PACRG: variants seen among roughly 807,000 people sequenced by gnomAD.
PACRG encodes parkin coregulated gene protein.
In PACRG, 29 loss-of-function variants were observed where a neutral mutation model predicts 29.7. That is an observed-to-expected ratio of 0.98 (90% CI 0.73 to 1.33). PACRG has a LOEUF of 1.33. Among genes scored for constraint, PACRG ranks in the 40% most tolerant of loss-of-function variants. The pLI is 0.00. For missense variants in PACRG, 279 were observed against 316.2 expected, an observed-to-expected ratio of 0.88 and a Z score of 0.89; for synonymous variants, 116 against 118.7, an observed-to-expected ratio of 0.98 and a Z score of 0.15.
At chr6:162,829,670 T>C (rs1017072058) in intron 2 of PACRG, among the ~76,000 whole-genome samples, 1 of 152,078 alleles carries the variant, frequency 6.6e-6, no homozygotes, top group African/African-American at 2.4e-5. Context: ...GACATAGCCA[T>C]TGGAACGTTC....
At chr6:162,884,333 A>G (rs1295976185) in intron 2 of PACRG, among the ~76,000 whole-genome samples, 1 of 152,162 alleles carries the variant, frequency 6.6e-6, no homozygotes, top group Non-Finnish European at 1.5e-5. Context: ...ATTTTCCAGT[A>G]TGTTTATTGA....
rs79945138 is a variant in PACRG, at chr6:162,891,137, G to A, written c.291+76856G>A. Among the ~76,000 whole-genome samples, 226 of 152,308 alleles carry A rather than the reference G, an allele frequency of 1.5e-3. 2 individuals carry two copies. The East Asian group carries it at 0.019, about 13-fold the overall frequency. On this transcript the variant is annotated intron_variant, in intron 2 of 4. Transcript: ENST00000366888. Reference sequence around the variant, plus strand: ...GAAGAGCCCGGCAAGCCTTGCTTGTGAAATGGACACGGTATATCCAGGAAC... The same window carrying A: ...GAAGAGCCCGGCAAGCCTTGCTTGTAAAATGGACACGGTATATCCAGGAAC...
chr6:163,252,667 T>C (rs1449636266), intron 4 of PACRG, among the ~76,000 whole-genome samples: 1 of 152,216 alleles, frequency 6.6e-6, no homozygotes, highest in Non-Finnish European at 1.5e-5. Flanking sequence ...CTGGTTTATC[T>C]CCTAACGGAC....
At chr6:163,287,017 T>G (rs1246743232) in intron 4 of PACRG, among the ~76,000 whole-genome samples, 1 of 152,154 alleles carries the variant, frequency 6.6e-6, no homozygotes, top group Non-Finnish European at 1.5e-5. Context: ...TATGTGAATG[T>G]GTGTATGTGC....
At chr6:162,937,760 A>G (rs1314276708) in intron 2 of PACRG, among the ~76,000 whole-genome samples, 1 of 152,200 alleles carries the variant, frequency 6.6e-6, no homozygotes, top group East Asian at 1.9e-4. Context: ...TAACAATATT[A>G]ACCATTTAGT....
chr6:163,143,925 C>T (rs900817443), intron 4 of PACRG, among the ~76,000 whole-genome samples: 7 of 152,062 alleles, frequency 4.6e-5, no homozygotes, highest in African/African-American at 9.7e-5. Context: ...TTCATAATTG[C>T]GTAATCTTTT....
intron 4 of PACRG, among the ~76,000 whole-genome samples, chr6:163,103,182 C>CT (rs1392790199): frequency 3.9e-5 from 6 of 152,176 alleles, no homozygotes; most frequent in African/African-American, 1.4e-4. Flanking sequence ...GTCAGTTGCC[C>CT]TGTGTTCCCT....
At chr6:162,740,057 C>CT (rs1278717583) in intron 1 of PACRG, among the ~76,000 whole-genome samples, 1 of 152,084 alleles carries the variant, frequency 6.6e-6, no homozygotes, top group East Asian at 1.9e-4. Context: ...TGAATACTAA[C>CT]TGAGTACTCT....
intron 1 of PACRG, among the ~76,000 whole-genome samples, chr6:162,745,531 C>T (rs1780924585): frequency 6.6e-6 from 1 of 152,022 alleles, no homozygotes; most frequent in Non-Finnish European, 1.5e-5. Flanking sequence ...GCACATGTAT[C>T]CTGGAACTTT....
chr6:162,755,430 C>T (rs1781833903), intron 1 of PACRG, among the ~76,000 whole-genome samples: 1 of 151,590 alleles, frequency 6.6e-6, no homozygotes, highest in Non-Finnish European at 1.5e-5. Context: ...CCTTCTTCTT[C>T]CTTTTCCTCT....
chr6:162,874,198 A>G (rs6908068), intron 2 of PACRG, among the ~76,000 whole-genome samples: 103,234 of 148,676 alleles, frequency 0.69, 37,275 homozygotes, highest in African/African-American at 0.9. Context: ...AGGCTAGGGT[A>G]TCAAATAGTT....
chr6:163,293,932 C>T (rs557519978), intron 4 of PACRG, among the ~76,000 whole-genome samples: 1 of 152,166 alleles, frequency 6.6e-6, no homozygotes, highest in Non-Finnish European at 1.5e-5. Flanking sequence ...GTAACAATAA[C>T]TTCTAGCACT....
chr6:163,111,016 A>G (rs904657227), intron 4 of PACRG, among the ~76,000 whole-genome samples: 3 of 152,230 alleles, frequency 2.0e-5, no homozygotes, highest in Non-Finnish European at 4.4e-5. Context: ...TCTGTGATGC[A>G]GATTCTCCTT....
chr6:163,204,307 G>A (rs935945155), intron 4 of PACRG, among the ~76,000 whole-genome samples: 1 of 152,172 alleles, frequency 6.6e-6, no homozygotes, highest in Non-Finnish European at 1.5e-5. Flanking sequence ...GGGGCTTCAA[G>A]TCCTTTCCTT....
At chr6:163,078,968 TGG>T (rs1812816460) in intron 3 of PACRG, among the ~76,000 whole-genome samples, 2 of 151,778 alleles carry the variant, frequency 1.3e-5, no homozygotes, top group African/African-American at 4.9e-5. Flanking sequence ...CCCATGCCTG[TGG>T]GTACGCTGGG....
intron 1 of PACRG, 39 bp from the exon 2 acceptor site, chr6:162,814,108 T>C: frequency 6.4e-7 from 1 of 1,568,892 alleles, no homozygotes. Flanking sequence ...TTTTAGTATG[T>C]CTTAAAACCT....
intron 4 of PACRG, among the ~76,000 whole-genome samples, chr6:163,296,700 T>G (rs929019638): frequency 5.3e-5 from 8 of 152,226 alleles, no homozygotes; most frequent in Admixed American, 5.2e-4. Flanking sequence ...GAGTAATGAC[T>G]GTAGCACGCA....
rs540727344 is a variant in PACRG at position 162,807,752 on chromosome 6, G to A, written c.157-6395G>A. Among the ~76,000 whole-genome samples, 3 of 152,180 alleles carry A rather than the reference G, an allele frequency of 2.0e-5. No individual in the cohort carries two copies. In the East Asian group the frequency reaches 5.8e-4, roughly 29 times the overall value. On this transcript the variant is annotated intron_variant, in intron 1 of 4. Coordinates refer to ENST00000366888, the MANE Select transcript of PACRG (RefSeq NM_001080379.2). ...ATGATGCAGAGACATGAAGTGAGCC[G>A]ATGCTGTTGGAAAAATGGCACTGAT...
intron 2 of PACRG, among the ~76,000 whole-genome samples, chr6:163,053,548 A>G (rs1253188348): frequency 1.3e-5 from 2 of 152,232 alleles, no homozygotes; most frequent in South Asian, 4.1e-4. Context: ...AGAATAGCCA[A>G]TTAAACCCTA....
Sources: gnomAD v4.1 joint callset for allele counts (sites outside exome capture counted in the v4.1 genomes callset) on GRCh38, gnomAD v4.1.1 for gene constraint, MANE v1.5 for transcripts, NCBI Gene and HGNC (gene_info 2026-07-23, HGNC 2026-07-21) for gene names.